The following CCSER1 variants were observed in gnomAD, a reference collection of about 807,000 sequenced individuals.
The protein encoded by CCSER1 is serine-rich coiled-coil domain-containing protein 1.
A neutral mutation model predicts 82.0 loss-of-function variants in CCSER1; 41 were observed. The observed-to-expected ratio is 0.50, with a 90% CI of 0.39 to 0.65. The LOEUF is 0.65. Among genes scored for constraint, CCSER1 ranks in the 30% least tolerant of loss-of-function variants. The probability of loss-of-function intolerance (pLI) is 0.00; values close to 1 mark genes in which losing one functional copy is unlikely to be tolerated. For synonymous variants in CCSER1, 414 were observed against 383.9 expected, an observed-to-expected ratio of 1.08 and a Z score of -0.92; for missense variants, 1,119 against 1,064.2, an observed-to-expected ratio of 1.05 and a Z score of -0.72.
chr4:91,107,634 T>C (rs867691776), intron 10 of CCSER1, among the ~76,000 whole-genome samples: 1 of 127,572 alleles, frequency 7.8e-6, no homozygotes, highest in African/African-American at 2.9e-5. Context: ...GCATTTTCTT[T>C]TTCTCTTTTT....
intron 7 of CCSER1, among the ~76,000 whole-genome samples, chr4:90,793,360 G>A (rs60135764): frequency 0.052 from 7,951 of 152,168 alleles, 458 homozygotes; most frequent in African/African-American, 0.15. Flanking sequence ...ATAGGCCCCA[G>A]TGTGTGTTGT....
At chr4:91,450,963 A>C (rs1755840316) in intron 10 of CCSER1, among the ~76,000 whole-genome samples, 1 of 152,172 alleles carries the variant, frequency 6.6e-6, no homozygotes, top group South Asian at 2.1e-4. Flanking sequence ...GGATACTATA[A>C]GAAATACAAT....
chr4:90,690,949 G>A (rs983024778), intron 6 of CCSER1, among the ~76,000 whole-genome samples: 1 of 151,890 alleles, frequency 6.6e-6, no homozygotes, highest in Admixed American at 6.6e-5. Flanking sequence ...TTTCATTTCT[G>A]CTGCTTACTC....
chr4:90,952,409 T>C (rs1733010090), intron 9 of CCSER1, among the ~76,000 whole-genome samples: 1 of 151,946 alleles, frequency 6.6e-6, no homozygotes, highest in African/African-American at 2.4e-5. Flanking sequence ...GTATGCTACT[T>C]AATATCCCAC....
chr4:91,587,799 A>T (rs1229714307), intron 10 of CCSER1, among the ~76,000 whole-genome samples: 3 of 151,772 alleles, frequency 2.0e-5, no homozygotes, highest in African/African-American at 7.2e-5. Context: ...AAAATCTTGA[A>T]TTGGTTGTTG....
chr4:91,462,807 G>C (rs1447896793), intron 10 of CCSER1, among the ~76,000 whole-genome samples: 1 of 152,180 alleles, frequency 6.6e-6, no homozygotes, highest in Non-Finnish European at 1.5e-5. Flanking sequence ...AGTGAGGCTT[G>C]GGGAGGGGCG....
intron 1 of CCSER1, among the ~76,000 whole-genome samples, chr4:90,156,293 G>A (rs1057043780): frequency 1.3e-5 from 2 of 152,034 alleles, no homozygotes; most frequent in African/African-American, 4.8e-5. Flanking sequence ...TTACTTCCAA[G>A]TATGTGGTCA....
intron 10 of CCSER1, among the ~76,000 whole-genome samples, chr4:91,408,209 T>G (rs914524616): frequency 1.3e-5 from 2 of 152,228 alleles, no homozygotes; most frequent in Admixed American, 1.3e-4. Flanking sequence ...TAAATATTTC[T>G]TTTCACTTCC....
intron 5 of CCSER1, among the ~76,000 whole-genome samples, chr4:90,486,437 A>C (rs1036165808): frequency 4.6e-5 from 7 of 152,162 alleles, no homozygotes; most frequent in African/African-American, 1.7e-4. Flanking sequence ...AGTCACTTCA[A>C]AGTTGCTACT....
chr4:90,490,488 TG>T (rs889782287), intron 5 of CCSER1, among the ~76,000 whole-genome samples: 2 of 152,188 alleles, frequency 1.3e-5, no homozygotes, highest in Admixed American at 1.3e-4. Context: ...TTCATTCTGA[TG>T]GTAGTTTCCT....
intron 10 of CCSER1, among the ~76,000 whole-genome samples, chr4:91,340,238 TTC>T (rs1315347717): frequency 3.0e-4 from 46 of 152,358 alleles, no homozygotes; most frequent in African/African-American, 1.0e-3. Flanking sequence ...TGTGGTCTAA[TTC>T]TCTCAAAATT....
intron 3 of CCSER1, among the ~76,000 whole-genome samples, chr4:90,363,443 G>T (rs192212364): frequency 6.6e-6 from 1 of 152,004 alleles, no homozygotes; most frequent in African/African-American, 2.4e-5. Flanking sequence ...TATCACTGTG[G>T]CACCTAAAGT....
chr4:90,351,991 G>C lies in CCSER1; in HGVS notation c.1509+38944G>C, dbSNP rs553819861. Among the ~76,000 whole-genome samples, 48 of 152,172 alleles carry C rather than the reference G, an allele frequency of 3.2e-4. 1 individual carries two copies. The highest frequency in any genetic ancestry group is 1.1e-3 in the African/African-American group (46 of 41,514). On this transcript the variant is annotated intron_variant, in intron 3 of 10. Transcript: ENST00000509176. ...ATATCCTCAACTTTATAATTTATGAGCAGTGTATCATATTTCTAAATCTAT... is the reference window on the plus strand; with the variant it reads ...ATATCCTCAACTTTATAATTTATGACCAGTGTATCATATTTCTAAATCTAT...
intron 4 of CCSER1, among the ~76,000 whole-genome samples, chr4:90,439,359 T>C (rs1759525133): frequency 6.6e-6 from 1 of 152,166 alleles, no homozygotes; most frequent in African/African-American, 2.4e-5. Context: ...CACACGCATT[T>C]CTAATTTTAT....
chr4:91,467,500 T>C lies in CCSER1; in HGVS notation c.2218-131072T>C, dbSNP rs1756989700. 2.0e-5 allele frequency among the ~76,000 whole-genome samples: 3 copies of C among 151,918 alleles called. No individual in the cohort carries two copies. In the South Asian group the frequency reaches 6.2e-4, roughly 32 times the overall value. On this transcript the variant is annotated intron_variant, in intron 10 of 10. Transcript: ENST00000509176. ...GGCAACAAATGCCAAAATAGACAAA[T>C]GGGATCTAATTAAACTAAAGAGCTT... is the stretch of plus-strand genomic sequence containing the variant.
At chr4:91,218,032 C>A (rs796719085) in intron 10 of CCSER1, among the ~76,000 whole-genome samples, 6 of 152,290 alleles carry the variant, frequency 3.9e-5, no homozygotes, top group African/African-American at 1.4e-4. Context: ...TGGTGCTTGT[C>A]GGGGAGGCTC....
At chr4:90,948,544 T>C (rs575927815) in intron 9 of CCSER1, among the ~76,000 whole-genome samples, 1 of 152,066 alleles carries the variant, frequency 6.6e-6, no homozygotes, top group East Asian at 1.9e-4. Context: ...ATTGTCACAA[T>C]TTAAAATCTT....
rs576340689 is a variant in CCSER1, at chr4:90,521,190, G to C, written c.1724+52836G>C. On this transcript the variant is annotated intron_variant, in intron 5 of 10. Coordinates refer to ENST00000509176, the MANE Select transcript of CCSER1 (RefSeq NM_001145065.2). ...TAAGTTCCCAATCTATACTATCAATGCCTAACATATATCAAATGTATGCAT... is the reference window on the plus strand; with the variant it reads ...TAAGTTCCCAATCTATACTATCAATCCCTAACATATATCAAATGTATGCAT... Among the ~76,000 whole-genome samples, 4 of 152,132 alleles carry C rather than the reference G, an allele frequency of 2.6e-5. No individual in the cohort carries two copies. In the East Asian group the frequency reaches 7.7e-4, roughly 29 times the overall value.
At chr4:91,175,185 G>C (rs915803812) in intron 10 of CCSER1, among the ~76,000 whole-genome samples, 4 of 152,028 alleles carry the variant, frequency 2.6e-5, no homozygotes, top group Non-Finnish European at 5.9e-5. Flanking sequence ...GTGTTCCATG[G>C]TGTATATGTA....
Sources: gnomAD v4.1 joint callset for allele counts (sites outside exome capture counted in the v4.1 genomes callset) on GRCh38, gnomAD v4.1.1 for gene constraint, MANE v1.5 for transcripts, NCBI Gene and HGNC (gene_info 2026-07-23, HGNC 2026-07-21) for gene names.